Variants in HTR1E observed in about 807,000 individuals in gnomAD.
The protein encoded by HTR1E is 5-hydroxytryptamine receptor 1E.
A neutral mutation model predicts 3.4 loss-of-function variants in HTR1E; 3 were observed. The ratio of observed to expected loss-of-function variants is 0.89; its 90% CI spans 0.41 to 2.31. The LOEUF is 2.31. Ranked by LOEUF, HTR1E falls within the 30% of genes most tolerant of loss-of-function variation. HTR1E has a pLI of 0.05. For missense variants in HTR1E, 392 were observed against 467.0 expected (o/e 0.84, Z 1.48); for synonymous variants, 170 against 182.8 (o/e 0.93, Z 0.56).
At chr6:86,965,894 G>A (rs1767465136) in intron 1 of HTR1E, among the ~76,000 whole-genome samples, 2 of 152,068 alleles carry the variant, frequency 1.3e-5, no homozygotes, top group South Asian at 4.1e-4. Context: ...AATGCAAATT[G>A]GTTATAGTGT....
At chr6:87,002,472 G>A (rs1249997247) in intron 1 of HTR1E, among the ~76,000 whole-genome samples, 8 of 152,168 alleles carry the variant, frequency 5.3e-5, no homozygotes, top group South Asian at 2.1e-4. Flanking sequence ...TTATTTGTCC[G>A]CACCCACATC....
intron 1 of HTR1E, among the ~76,000 whole-genome samples, chr6:86,995,688 G>GAAAAAAAAAAAAAAAAAAAAAC (rs58476122): frequency 5.4e-5 from 3 of 55,202 alleles, no homozygotes; most frequent in African/African-American, 1.0e-4. Context: ...AAAAAAAAAA[G>GAAAAAAAAAAAAAAAAAAAAAC]AAAAAAAAAA....
At chr6:86,958,811 G>C (rs1367925432) in intron 1 of HTR1E, among the ~76,000 whole-genome samples, 1 of 152,106 alleles carries the variant, frequency 6.6e-6, no homozygotes, top group Non-Finnish European at 1.5e-5. Context: ...AATTTGCCTG[G>C]TGGAAGATCC....
At chr6:87,010,568 C>T (rs1410658492) in intron 1 of HTR1E, among the ~76,000 whole-genome samples, 6 of 143,324 alleles carry the variant, frequency 4.2e-5, no homozygotes, top group African/African-American at 1.6e-4. Context: ...GGCAGAGACG[C>T]TCCTCACTTC....
intron 1 of HTR1E, among the ~76,000 whole-genome samples, chr6:86,956,269 G>T (rs1373359197): frequency 6.6e-6 from 1 of 152,066 alleles, no homozygotes; most frequent in African/African-American, 2.4e-5. Flanking sequence ...ATCCCAGAAA[G>T]ACTAACTAAA....
chr6:86,954,610 GA>G (rs1767295611), intron 1 of HTR1E, among the ~76,000 whole-genome samples: 1 of 152,194 alleles, frequency 6.6e-6, no homozygotes, highest in South Asian at 2.1e-4. Context: ...ACCCTTCTCA[GA>G]GGATGAGAGA....
At chr6:86,956,578 T>C (rs997572415) in intron 1 of HTR1E, among the ~76,000 whole-genome samples, 4 of 152,214 alleles carry the variant, frequency 2.6e-5, no homozygotes, top group Non-Finnish European at 4.4e-5. Flanking sequence ...TATGTATCAA[T>C]TGATGTCTGC....
intron 1 of HTR1E, among the ~76,000 whole-genome samples, chr6:86,969,734 C>T (rs1300883930): frequency 6.6e-6 from 1 of 152,200 alleles, no homozygotes; most frequent in African/African-American, 2.4e-5. Context: ...TGACTTGACC[C>T]CATCCCTGAG....
At chr6:87,008,393 TA>T (rs1262432647) in intron 1 of HTR1E, among the ~76,000 whole-genome samples, 15 of 151,820 alleles carry the variant, frequency 9.9e-5, no homozygotes, top group Non-Finnish European at 2.9e-5. Flanking sequence ...ATTCCTGAAA[TA>T]ATAAAAAAAA....
chr6:87,010,830 G>A (rs979662349), intron 1 of HTR1E, among the ~76,000 whole-genome samples: 3 of 151,992 alleles, frequency 2.0e-5, no homozygotes, highest in Admixed American at 6.5e-5. Flanking sequence ...CGCGGGGCCC[G>A]TCCGCTCCTC....
intron 1 of HTR1E, among the ~76,000 whole-genome samples, chr6:86,956,213 T>A (rs1767320959): frequency 1.3e-5 from 2 of 152,180 alleles, no homozygotes; most frequent in African/African-American, 4.8e-5. Context: ...GTGGGAGAAA[T>A]CTACATTCTA....
chr6:86,946,929 C>T (rs1387113634), intron 1 of HTR1E, among the ~76,000 whole-genome samples: 2 of 152,070 alleles, frequency 1.3e-5, no homozygotes, highest in African/African-American at 4.8e-5. Context: ...CCAGCCTGAC[C>T]AACATGAAGA....
intron 1 of HTR1E, among the ~76,000 whole-genome samples, chr6:87,006,737 C>T (rs1273878248): frequency 6.6e-6 from 1 of 152,174 alleles, no homozygotes; most frequent in East Asian, 1.9e-4. Context: ...GAATACTATG[C>T]AGCCATAAAA....
At chr6:86,970,852 GAGGCTTGTAGAGCCA>G (rs1767542343) in intron 1 of HTR1E, 1 of 249,178 alleles carries the variant, frequency 4.0e-6, no homozygotes, top group Non-Finnish European at 7.8e-6. Context: ...TTAACATACT[GAGGCTTGTAGAGCCA>G]CATATTGCAT....
intron 1 of HTR1E, among the ~76,000 whole-genome samples, chr6:86,986,953 C>T (rs80301499): frequency 0.045 from 6,816 of 151,786 alleles, 165 homozygotes; most frequent in Non-Finnish European, 0.058. Context: ...GAAAAGGAGG[C>T]AAAAATTGAC....
chr6:87,014,929 T>C (rs1238880325), intron 1 of HTR1E, among the ~76,000 whole-genome samples: 2 of 152,086 alleles, frequency 1.3e-5, no homozygotes, highest in African/African-American at 4.8e-5. Flanking sequence ...GTTCTGCACA[T>C]GTATCCCAGA....
intron 1 of HTR1E, among the ~76,000 whole-genome samples, chr6:86,945,786 G>A (rs1053772540): frequency 2.6e-5 from 4 of 151,964 alleles, no homozygotes; most frequent in African/African-American, 9.7e-5. Flanking sequence ...CCAGACTGGA[G>A]TGCAGTGGCG....
chr6:86,967,945 A>G (rs1767496745), intron 1 of HTR1E, among the ~76,000 whole-genome samples: 1 of 152,166 alleles, frequency 6.6e-6, no homozygotes, highest in Admixed American at 6.5e-5. Context: ...TGCAAAAAAG[A>G]ATTGTTCCTC....
At chr6:86,975,373 T>C (rs1382786038) in intron 1 of HTR1E, among the ~76,000 whole-genome samples, 1 of 152,170 alleles carries the variant, frequency 6.6e-6, no homozygotes, top group East Asian at 1.9e-4. Flanking sequence ...ACTTCTCACA[T>C]AAATATCCTC....
Sources: allele counts gnomAD v4.1 joint callset (sites outside exome capture counted in the v4.1 genomes callset), GRCh38; gene constraint gnomAD v4.1.1; transcripts MANE v1.5; gene names NCBI Gene and HGNC (gene_info 2026-07-23, HGNC 2026-07-21).